Variants in DEFB114 observed in about 807,000 individuals in gnomAD.
The protein encoded by DEFB114 is defensin beta 114, also known as beta-defensin 114.
In DEFB114, 4 loss-of-function variants were observed where a neutral mutation model predicts 2.4. The ratio of observed to expected loss-of-function variants is 1.67; its 90% CI spans 0.82 to 3.82. The LOEUF (loss-of-function observed/expected upper bound fraction) is 3.82, where lower values mean the gene tolerates loss of function less well. Among genes scored for constraint, DEFB114 ranks in the 30% most tolerant of loss-of-function variants. The probability of loss-of-function intolerance (pLI) is 0.01; values close to 1 mark genes in which losing one functional copy is unlikely to be tolerated. For synonymous variants in DEFB114, 35 were observed against 24.6 expected (o/e 1.42, Z -1.26); for missense variants, 113 against 85.8 (o/e 1.32, Z -1.25).
chr6:49,963,811 C>CA (rs1056713410), intron 1 of DEFB114, among the ~76,000 whole-genome samples: 1 of 149,288 alleles, frequency 6.7e-6, no homozygotes, highest in Non-Finnish European at 1.5e-5. Context: ...AAACTCAGTC[C>CA]AAAAAAATTG....
chr6:49,961,162 T>C (rs190806012), intron 1 of DEFB114, among the ~76,000 whole-genome samples: 1 of 150,900 alleles, frequency 6.6e-6, no homozygotes, highest in Admixed American at 6.6e-5. Flanking sequence ...TTTAAACAAT[T>C]ACATTTTCAT....
At chr6:49,960,559 A>G (rs957712637) in intron 1 of DEFB114, 113 bp from the exon 2 acceptor site, 1 of 1,149,840 alleles carries the variant, frequency 8.7e-7, no homozygotes, top group African/African-American at 1.6e-5. Flanking sequence ...ATACCAAAAA[A>G]AAATAAATCC....
In DEFB114 at chr6:49,960,377, T is replaced by A. The variant is rs1467449417; in HGVS notation, c.125A>T (p.Glu42Val). 6.2e-7 allele frequency: 1 copy of A among 1,608,914 alleles called. No individual in the cohort carries two copies. Among genetic ancestry groups the A allele is most frequent in the Non-Finnish European group, 8.5e-7 (1 of 1,176,814 alleles). The change falls in exon 2 of 2, where the codon GAG becomes GTG. Residue 42 changes from glutamate to valine, a missense_variant. Transcript: ENST00000322066. ...ACATATGTCTATTTGCTTTTCACTC[T>A]CAAGACAGTCTCTTTTACAACGACC... is the stretch of plus-strand genomic sequence containing the variant. ...RYGRCKRDCL[E>V]SEKQIDICSL...
intron 1 of DEFB114, among the ~76,000 whole-genome samples, chr6:49,963,357 T>G (rs1773493178): frequency 6.7e-6 from 1 of 150,216 alleles, no homozygotes; most frequent in Non-Finnish European, 1.5e-5. Flanking sequence ...TTATTAATTT[T>G]GTTAGTCTTT....
chr6:49,960,742 C>T (rs1232304468), intron 1 of DEFB114, among the ~76,000 whole-genome samples: 1 of 150,712 alleles, frequency 6.6e-6, no homozygotes, highest in African/African-American at 2.4e-5. Flanking sequence ...TGTAGAGCTA[C>T]ACGACAATGT....
chr6:49,960,331 G>A lies in DEFB114; in HGVS notation c.171C>T (p.Cys57=), dbSNP rs369505152. 44 of 1,605,816 alleles carry A rather than the reference G, an allele frequency of 2.7e-5. No individual in the cohort carries two copies. The highest frequency in any genetic ancestry group is 3.4e-5 in the Non-Finnish European group (40 of 1,175,570). ...CTTCTTCATACAATTTCTCAGTGCA[G>A]CAAATTTTTCTTGGTAAGGAACATA... ...IDICSLPRKI[C]CTEKLYEEDD... Residue 57 remains cysteine (C), a synonymous_variant, in exon 2 of 2, where the codon TGC becomes TGT. Coordinates refer to ENST00000322066, the MANE Select transcript of DEFB114 (RefSeq NM_001037499.2).
At chr6:49,961,783 C>T (rs957840649) in intron 1 of DEFB114, among the ~76,000 whole-genome samples, 2 of 150,626 alleles carry the variant, frequency 1.3e-5, no homozygotes, top group Non-Finnish European at 3.0e-5. Context: ...GTTACTATTC[C>T]TTTCACTCTT....
chr6:49,960,845 C>T (rs997492710), intron 1 of DEFB114, among the ~76,000 whole-genome samples: 1 of 150,654 alleles, frequency 6.6e-6, no homozygotes, highest in African/African-American at 2.4e-5. Context: ...TAATTTAATA[C>T]TTATATGATA....
At chr6:49,961,254 T>A (rs1314924603) in intron 1 of DEFB114, among the ~76,000 whole-genome samples, 1 of 150,788 alleles carries the variant, frequency 6.6e-6, no homozygotes, top group Non-Finnish European at 1.5e-5. Context: ...AATAATCTAT[T>A]TTAATGTATT....
At chr6:49,962,299 A>G (rs997923897) in intron 1 of DEFB114, among the ~76,000 whole-genome samples, 1 of 150,478 alleles carries the variant, frequency 6.6e-6, no homozygotes, top group Non-Finnish European at 1.5e-5. Flanking sequence ...GACACCTCAT[A>G]TATCTTAACC....
chr6:49,963,356 T>G lies in DEFB114; in HGVS notation c.55+695A>C, dbSNP rs1481116269. Among the ~76,000 whole-genome samples, 3 of 150,210 alleles carry G rather than the reference T, an allele frequency of 2.0e-5. No homozygotes were observed. In the East Asian group the frequency reaches 5.8e-4, roughly 29 times the overall value. The stretch of plus-strand genomic sequence containing the variant: ...CAGTTTTGTCAAAGCTTTATTAATT[T>G]TGTTAGTCTTTTCAAAAAACAAAAT... On this transcript the variant is annotated intron_variant, in intron 1 of 1. Coordinates refer to ENST00000322066, the MANE Select transcript of DEFB114 (RefSeq NM_001037499.2).
Position 49,960,336 on chromosome 6 carries a change from T to C in DEFB114, c.166A>G (p.Ile56Val), listed in dbSNP as rs746673266. 14 of 1,606,852 alleles carry C rather than the reference T, an allele frequency of 8.7e-6. No individual in the cohort carries two copies. The highest frequency in any genetic ancestry group is 1.0e-5 in the Non-Finnish European group (12 of 1,176,038). Residue 56 changes from isoleucine to valine, a missense_variant, in exon 2 of 2, where the codon ATT becomes GTT. Coordinates refer to ENST00000322066, the MANE Select transcript of DEFB114 (RefSeq NM_001037499.2). Reference protein sequence around the residue: ...QIDICSLPRKICCTEKLYEED... With the variant: ...QIDICSLPRKVCCTEKLYEED... ...TCATACAATTTCTCAGTGCAGCAAA[T>C]TTTTCTTGGTAAGGAACATATGTCT...
At chr6:49,960,660 C>T (rs1773443280) in intron 1 of DEFB114, among the ~76,000 whole-genome samples, 1 of 150,426 alleles carries the variant, frequency 6.6e-6, no homozygotes, top group Non-Finnish European at 1.5e-5. Flanking sequence ...AAAATTAAAA[C>T]TTGTTTTAAA....
rs80342310 is a variant in DEFB114 at position 49,962,732 on chromosome 6, G to C, written c.55+1319C>G. Among the ~76,000 whole-genome samples the C allele has an allele frequency of 8.5e-3, 1,284 of 150,392 alleles. 28 individuals carry two copies. The highest frequency in any genetic ancestry group is 0.029 in the African/African-American group (1,185 of 41,342). The stretch of plus-strand genomic sequence containing the variant: ...GCTTGCATCTCAGGTTATTTGGAAT[G>C]AGATTTTGGATGTGGTAAGAGGCAA... On this transcript the variant is annotated intron_variant, in intron 1 of 1. Transcript: ENST00000322066.
intron 1 of DEFB114, 99 bp from the exon 2 acceptor site, chr6:49,960,545 G>A: frequency 7.9e-7 from 1 of 1,267,994 alleles, no homozygotes; most frequent in East Asian, 2.8e-5. Context: ...ATCAAGTTTA[G>A]AAAATACCAA....
intron 1 of DEFB114, among the ~76,000 whole-genome samples, chr6:49,963,695 T>C (rs1003733754): frequency 6.7e-6 from 1 of 149,924 alleles, no homozygotes; most frequent in Non-Finnish European, 1.5e-5. Context: ...TGTTCTCAGT[T>C]CATTCAGTTT....
At chr6:49,960,473 T>C (rs1773440057) in intron 1 of DEFB114, 27 bp from the exon 2 acceptor site, 3 of 1,570,070 alleles carry the variant, frequency 1.9e-6, no homozygotes, top group Non-Finnish European at 2.6e-6. Flanking sequence ...GTAACAGAAA[T>C]TCTAATCTTT....
intron 1 of DEFB114, among the ~76,000 whole-genome samples, chr6:49,962,286 G>T (rs1582337565): frequency 1.3e-5 from 2 of 150,328 alleles, no homozygotes; most frequent in African/African-American, 2.4e-5. Context: ...TGATGTGAAT[G>T]TAGACACCTC....
chr6:49,962,886 T>G (rs141191131), intron 1 of DEFB114, among the ~76,000 whole-genome samples: 2 of 150,410 alleles, frequency 1.3e-5, no homozygotes, highest in Non-Finnish European at 3.0e-5. Flanking sequence ...TCTCCATTGA[T>G]TTATTCAAAA....
Sources: allele counts gnomAD v4.1 joint callset (sites outside exome capture counted in the v4.1 genomes callset), GRCh38; gene constraint gnomAD v4.1.1; transcripts MANE v1.5; gene names NCBI Gene and HGNC (gene_info 2026-07-23, HGNC 2026-07-21).